Variants in SYCE1 observed in about 807,000 individuals in gnomAD.
SYCE1 encodes the protein cancer/testis antigen 76.
Under a neutral mutation model 55.1 loss-of-function variants are expected in SYCE1, and 37 were observed. The observed-to-expected ratio is 0.67, with a 90% CI of 0.52 to 0.88. The LOEUF (loss-of-function observed/expected upper bound fraction) is 0.88. SYCE1 is among the 40% of genes least tolerant of loss of function. The probability of loss-of-function intolerance (pLI) is 0.00; values close to 1 mark genes in which losing one functional copy is unlikely to be tolerated. For missense variants in SYCE1, 399 were observed against 416.4 expected, an observed-to-expected ratio of 0.96 and a Z score of 0.36; for synonymous variants, 163 against 159.4, an observed-to-expected ratio of 1.02 and a Z score of -0.17.
At chr10:133,567,788 G>A (rs1197273580), upstream of SYCE1, 21 of 344,582 alleles carry the variant, frequency 6.1e-5, no homozygotes, top group African/African-American at 3.7e-4. Flanking sequence ...TGGGCTGTTG[G>A]TACAGGAGCC....
rs1270254123 is a variant in SYCE1, at chr10:133,555,417, C to T, written c.852G>A (p.Lys284=). The T allele has an allele frequency of 3.7e-6, 6 of 1,613,994 alleles. No individual in the cohort carries two copies. The highest frequency in any genetic ancestry group is 3.3e-5 in the Admixed American group (2 of 60,004). Residue 284 remains lysine, a synonymous_variant, in exon 12 of 13, where the codon AAG becomes AAA. Transcript: ENST00000343131. ...CTTGGGCAGGGACTTGCATTCCATG[C>T]TTTTCCAGCTCTTCCTTCAGCCTGG... The part of the protein sequence containing the change: ...KRQRLKEELE[K]HGMQVPAQAQ...
At chr10:133,564,987 C>T (rs558099483) in intron 1 of SYCE1, among the ~76,000 whole-genome samples, 1 of 151,164 alleles carries the variant, frequency 6.6e-6, no homozygotes, top group African/African-American at 2.4e-5. Flanking sequence ...GGGGGATCTG[C>T]GTGGAGTCGG....
At chr10:133,558,244 G>A in intron 4 of SYCE1, 30 bp from the exon 5 acceptor site, 1 of 1,613,350 alleles carries the variant, frequency 6.2e-7, no homozygotes, top group Non-Finnish European at 8.5e-7. Flanking sequence ...TTTGGCATCA[G>A]GGACTATGCA....
At chr10:133,566,952 G>C (rs966048195), upstream of SYCE1, among the ~76,000 whole-genome samples, 1 of 151,356 alleles carries the variant, frequency 6.6e-6, no homozygotes, top group South Asian at 2.1e-4. Context: ...TTCGGTGTCA[G>C]GGTTTGGGGT....
upstream of SYCE1, among the ~76,000 whole-genome samples, chr10:133,567,109 G>C (rs1851961748): frequency 6.6e-6 from 1 of 151,534 alleles, no homozygotes; most frequent in African/African-American, 2.4e-5. Flanking sequence ...AGGTGTAGGA[G>C]TAGGGGTTGA....
downstream of SYCE1, chr10:133,554,756 G>A: frequency 1.5e-6 from 2 of 1,375,348 alleles, no homozygotes; most frequent in Admixed American, 2.0e-5. Flanking sequence ...GACCTCCTGG[G>A]CCCACTGTGA....
chr10:133,554,732 G>A (rs1851608987), downstream of SYCE1: 2 of 980,402 alleles, frequency 2.0e-6, no homozygotes, highest in African/African-American at 1.6e-5. Context: ...ATGTGTGTAT[G>A]CAGGTGGGTT....
chr10:133,565,703 T>A, upstream of SYCE1: 1 of 610,378 alleles, frequency 1.6e-6, no homozygotes, highest in Non-Finnish European at 2.7e-6. Flanking sequence ...TGCGCATGCG[T>A]AAAGGCGCGA....
chr10:133,559,260 T>C (rs764646237), intron 3 of SYCE1, 41 bp downstream of exon 3: 2 of 1,608,946 alleles, frequency 1.2e-6, no homozygotes, highest in Admixed American at 1.7e-5. Flanking sequence ...CCGCAAACCA[T>C]GCAGCTGGTC....
chr10:133,567,551 T>C (rs1326123592), upstream of SYCE1, among the ~76,000 whole-genome samples: 1 of 151,982 alleles, frequency 6.6e-6, no homozygotes, highest in Admixed American at 6.5e-5. Context: ...GGCAGGTGGT[T>C]AGCACCTAAC....
At chr10:133,566,892 G>A (rs1851953723), upstream of SYCE1, among the ~76,000 whole-genome samples, 1 of 36,044 alleles carries the variant, frequency 2.8e-5, no homozygotes, top group African/African-American at 4.0e-5. Flanking sequence ...AGTTACAGTT[G>A]GGTTAAGGGT....
At chr10:133,559,594 G>T in intron 2 of SYCE1, 1 of 536,934 alleles carries the variant, frequency 1.9e-6, no homozygotes, top group Non-Finnish European at 3.4e-6. Context: ...AGTAGGCCAA[G>T]GGAGGCTAAA....
intron 4 of SYCE1, 29 bp downstream of exon 4, chr10:133,558,848 G>A (rs763935809): frequency 1.2e-6 from 2 of 1,610,742 alleles, no homozygotes; most frequent in Admixed American, 1.7e-5. Flanking sequence ...ACACTGTGGG[G>A]ACCTCTGGGT....
In SYCE1 at chr10:133,555,896, C is replaced by A; in HGVS notation, c.603G>T (p.Leu201=). Residue 201 remains leucine (L), a synonymous_variant, in exon 10 of 13, where the codon CTG becomes CTT. Transcript: ENST00000343131. Reference sequence around the variant, plus strand: ...TCACGTCTTCCAGTGTCGCCTTGACCAGCTTCTCTGCAGCACAAAGGGGCA... The same window carrying A: ...TCACGTCTTCCAGTGTCGCCTTGACAAGCTTCTCTGCAGCACAAAGGGGCA... ...SKEQLLKEEK[L]VKATLEDVKH... 6.2e-7 allele frequency: 1 copy of A among 1,613,968 alleles called. No homozygotes were observed. Among genetic ancestry groups the A allele is most frequent in the Non-Finnish European group, 8.5e-7 (1 of 1,179,908 alleles).
rs1446769129 is a variant in SYCE1, at chr10:133,556,181, C to T, written c.529-134G>A. On this transcript the variant is annotated intron_variant, in intron 8 of 12. Transcript: ENST00000343131. ...AACTCTGCCCCTCTGTGCACACCAG[C>T]TACAGTACAGCCTCAGGGCCATGGC... 3 of 980,332 alleles carry T rather than the reference C, an allele frequency of 3.1e-6. No homozygotes were observed. In the East Asian group the frequency reaches 7.8e-5, roughly 26 times the overall value. The allele number at this position is 980,332 out of a possible 1,614,324, so 60.7% of individuals were successfully genotyped here. A position where few individuals can be genotyped will look rare whatever the true frequency, so the allele number is the denominator to read the frequency against.
At chr10:133,554,108 T>G, downstream of SYCE1, 1 of 511,446 alleles carries the variant, frequency 2.0e-6, no homozygotes, top group South Asian at 3.9e-5. Context: ...CAGTTCAATA[T>G]ATTTTCTAAC....
rs773073969 is a variant in SYCE1 at position 133,555,963 on chromosome 10, C to T, written c.595+18G>A. 3 of 1,613,994 alleles carry T rather than the reference C, an allele frequency of 1.9e-6. No homozygotes were observed. The highest frequency in any genetic ancestry group is 1.3e-5 in the African/African-American group (1 of 74,926). On this transcript the variant is annotated intron_variant, in intron 9 of 12. Coordinates refer to ENST00000343131, the MANE Select transcript of SYCE1 (RefSeq NM_001143764.3). ...CACGTGAGGTCAGATATGGGCCATC[C>T]ACCTTCCCTGGTCTCACCTTCCTTG...
In SYCE1 at chr10:133,555,667, G is replaced by T; in HGVS notation, c.760C>A (p.Leu254Ile). ...QEEHRKAEEL[L>I]AAAAQRHQQL... The stretch of plus-strand genomic sequence containing the variant: ...TGGTGGCGCTGGGCAGCAGCTGCTA[G>T]GAGCTCCTCAGCCTTCCTGTGCTCT... Residue 254 changes from leucine (L) to isoleucine (I), a missense_variant, in exon 11 of 13, where the codon CTA becomes ATA. Physicochemically the swap from Leu to Ile is conservative, Grantham distance 5. Transcript: ENST00000343131. 6.2e-7 allele frequency: 1 copy of T among 1,604,830 alleles called. No homozygotes were observed. The highest frequency in any genetic ancestry group is 8.5e-7 in the Non-Finnish European group (1 of 1,179,980).
intron 5 of SYCE1, 55 bp from the exon 6 acceptor site, chr10:133,557,973 C>T: frequency 1.2e-6 from 2 of 1,603,052 alleles, no homozygotes; most frequent in Non-Finnish European, 8.5e-7. Context: ...TGGGTTTTGG[C>T]AGGGGGAACA....
Sources: gnomAD v4.1 joint callset for allele counts (sites outside exome capture counted in the v4.1 genomes callset) on GRCh38, gnomAD v4.1.1 for gene constraint, MANE v1.5 for transcripts, NCBI Gene and HGNC (gene_info 2026-07-23, HGNC 2026-07-21) for gene names.